The following ADGRL3 variants were observed in gnomAD, a reference collection of about 807,000 sequenced individuals.
The protein encoded by ADGRL3 is adhesion G protein-coupled receptor L3.
Under a neutral mutation model 153.5 loss-of-function variants are expected in ADGRL3, and 62 were observed. That is an observed-to-expected ratio of 0.40 (90% confidence interval 0.33 to 0.50). The LOEUF (loss-of-function observed/expected upper bound fraction) is 0.50. ADGRL3 is among the 20% of genes least tolerant of loss of function. The pLI, the probability that ADGRL3 is intolerant of heterozygous loss-of-function variation, is 0.47. For synonymous variants in ADGRL3, 710 were observed against 672.5 expected, an observed-to-expected ratio of 1.06 and a Z score of -0.86; for missense variants, 1,641 against 1,859.4, an observed-to-expected ratio of 0.88 and a Z score of 2.16.
chr4:61,460,550 G>A (rs2097799208), intron 2 of ADGRL3, among the ~76,000 whole-genome samples: 1 of 152,038 alleles, frequency 6.6e-6, no homozygotes, highest in African/African-American at 2.4e-5. Flanking sequence ...GTGGGAGGGG[G>A]ATGAAGAGAG....
At chr4:61,567,341 C>A (rs767252656) in intron 4 of ADGRL3, among the ~76,000 whole-genome samples, 3 of 152,154 alleles carry the variant, frequency 2.0e-5, no homozygotes, top group Non-Finnish European at 4.4e-5. Context: ...CCACCACCCT[C>A]CCCAATTTTA....
chr4:61,697,555 TA>T (rs34106020), intron 6 of ADGRL3, among the ~76,000 whole-genome samples: 1 of 142,856 alleles, frequency 7.0e-6, no homozygotes, highest in Non-Finnish European at 1.5e-5. Flanking sequence ...GTGAAACTCC[TA>T]AAAAAAAAAA....
At chr4:61,358,446 A>G (rs1404680945) in intron 1 of ADGRL3, among the ~76,000 whole-genome samples, 9 of 151,924 alleles carry the variant, frequency 5.9e-5, no homozygotes, top group Non-Finnish European at 1.2e-4. Flanking sequence ...AAATACAAAA[A>G]ATTAGCCGGG....
chr4:61,978,651 T>A (rs1213496337), intron 17 of ADGRL3, among the ~76,000 whole-genome samples: 2 of 151,798 alleles, frequency 1.3e-5, no homozygotes, highest in African/African-American at 2.4e-5. Flanking sequence ...AAGGTGGAAA[T>A]AAGAGTTCTG....
chr4:61,691,151 T>C (rs1028420345), intron 6 of ADGRL3, among the ~76,000 whole-genome samples: 2 of 152,210 alleles, frequency 1.3e-5, no homozygotes, highest in Admixed American at 6.5e-5. Context: ...GGTCTGCATT[T>C]GTGATTAGCA....
intron 1 of ADGRL3, among the ~76,000 whole-genome samples, chr4:61,282,504 TGA>T (rs1260249255): frequency 6.6e-6 from 1 of 152,056 alleles, no homozygotes; most frequent in Non-Finnish European, 1.5e-5. Flanking sequence ...TGTAGTATAG[TGA>T]GAAGTTGGCT....
chr4:61,646,719 GCTGT>G (rs1376554946), intron 5 of ADGRL3, among the ~76,000 whole-genome samples: 1 of 152,154 alleles, frequency 6.6e-6, no homozygotes, highest in Admixed American at 6.5e-5. Flanking sequence ...AGAGGTTACT[GCTGT>G]CTTTTTGTTT....
At chr4:61,760,952 G>C (rs373347821) in intron 8 of ADGRL3, among the ~76,000 whole-genome samples, 6 of 152,306 alleles carry the variant, frequency 3.9e-5, no homozygotes, top group South Asian at 2.1e-4. Flanking sequence ...ACGACTTGGT[G>C]GGGGGAAGCC....
chr4:61,262,620 C>A (rs1364853943), intron 1 of ADGRL3, among the ~76,000 whole-genome samples: 1 of 151,856 alleles, frequency 6.6e-6, no homozygotes, highest in Non-Finnish European at 1.5e-5. Flanking sequence ...TCTTTTGGGC[C>A]CTCCTTTTAT....
Position 61,660,815 on chromosome 4 carries a change from G to C in ADGRL3, c.474-16011G>C, listed in dbSNP as rs1438103804. On this transcript the variant is annotated intron_variant, in intron 5 of 26. Transcript: ENST00000683033. ...GATCAAAAATGAAACTGTGTGGTTTGGATGTAGAATACTTTACTTGGTTGC... is the reference window on the plus strand; with the variant it reads ...GATCAAAAATGAAACTGTGTGGTTTCGATGTAGAATACTTTACTTGGTTGC... Among the ~76,000 whole-genome samples, 3 of 152,146 alleles carry C rather than the reference G, an allele frequency of 2.0e-5. No homozygotes were observed. The East Asian group carries it at 5.8e-4, about 29-fold the overall frequency.
chr4:61,645,268 G>C (rs574098640), intron 5 of ADGRL3, among the ~76,000 whole-genome samples: 1 of 152,064 alleles, frequency 6.6e-6, no homozygotes, highest in East Asian at 1.9e-4. Context: ...TTTAATTGGA[G>C]CATTTAGTCT....
chr4:61,856,337 C>T (rs1227495428), intron 9 of ADGRL3, among the ~76,000 whole-genome samples: 1 of 149,442 alleles, frequency 6.7e-6, no homozygotes, highest in Non-Finnish European at 1.5e-5. Flanking sequence ...CTCCCTCTCT[C>T]CCTCCCTCCC....
rs1158286668 is a variant in ADGRL3 at position 61,427,467 on chromosome 4, G to A, written c.-174+44278G>A. The A allele has an allele frequency of 4.6e-5, 7 of 153,368 alleles. No individual in the cohort carries two copies. The Admixed American group carries it at 4.6e-4, about 10-fold the overall frequency. 9.5% of individuals were successfully genotyped at this position (153,368 alleles called of 1,614,324 possible). ...ATACCATCAGCTCCCTCATCCAAAA[G>A]GCAAAGCATCCAGGTAGATAGGGGT... On this transcript the variant is annotated intron_variant, in intron 2 of 26. Transcript: ENST00000683033.
chr4:61,714,218 T>TATGCACACACACACACAC (rs1554010615), intron 6 of ADGRL3, among the ~76,000 whole-genome samples: 2 of 128,882 alleles, frequency 1.6e-5, no homozygotes, highest in Non-Finnish European at 3.5e-5. Flanking sequence ...CCATGTAAAA[T>TATGCACACACACACACAC]ACGCACACAC....
chr4:61,684,598 C>A (rs1414617111), intron 6 of ADGRL3, among the ~76,000 whole-genome samples: 2 of 151,986 alleles, frequency 1.3e-5, no homozygotes, highest in Non-Finnish European at 2.9e-5. Flanking sequence ...GGGTAGTGGT[C>A]GTGGGCCAGA....
At chr4:61,382,609 A>G (rs1464526131) in intron 1 of ADGRL3, among the ~76,000 whole-genome samples, 1 of 151,728 alleles carries the variant, frequency 6.6e-6, no homozygotes, top group Non-Finnish European at 1.5e-5. Context: ...ATCCAAATTT[A>G]TTTAGATTAT....
chr4:61,850,623 A>T (rs1159977870), intron 9 of ADGRL3, among the ~76,000 whole-genome samples: 1 of 152,186 alleles, frequency 6.6e-6, no homozygotes, highest in African/African-American at 2.4e-5. Context: ...GCATAAAAAC[A>T]TTATTCTCTG....
At chr4:61,592,666 C>G (rs919991328) in intron 5 of ADGRL3, among the ~76,000 whole-genome samples, 1 of 152,082 alleles carries the variant, frequency 6.6e-6, no homozygotes, top group Non-Finnish European at 1.5e-5. Flanking sequence ...TAGCTTCTTT[C>G]AATTCTGGAA....
At chr4:61,711,316 T>A (rs1485611121) in intron 6 of ADGRL3, among the ~76,000 whole-genome samples, 1 of 151,558 alleles carries the variant, frequency 6.6e-6, no homozygotes, top group East Asian at 1.9e-4. Flanking sequence ...ATGTTTAGTT[T>A]GCAATGTGGA....
Sources: allele counts gnomAD v4.1 joint callset (sites outside exome capture counted in the v4.1 genomes callset), GRCh38; gene constraint gnomAD v4.1.1; transcripts MANE v1.5; gene names NCBI Gene and HGNC (gene_info 2026-07-23, HGNC 2026-07-21).